The following ROBO1 variants were observed in gnomAD, a reference collection of about 807,000 sequenced individuals.
ROBO1 encodes the protein roundabout guidance receptor 1.
ROBO1 carries 149 observed loss-of-function variants against 195.9 expected under a neutral mutation model. The observed-to-expected ratio is 0.76, with a 90% CI of 0.67 to 0.87. The LOEUF is 0.87. ROBO1 is among the 40% of genes least tolerant of loss of function. ROBO1 has a pLI of 0.00. For synonymous variants in ROBO1, 816 were observed against 733.2 expected (o/e 1.11, Z -1.82); for missense variants, 1,933 against 2,068.3 (o/e 0.93, Z 1.27).
At chr3:78,649,687 G>A (rs965922982) in intron 19 of ROBO1, among the ~76,000 whole-genome samples, 1 of 152,120 alleles carries the variant, frequency 6.6e-6, no homozygotes, top group African/African-American at 2.4e-5. Flanking sequence ...TTATGAAAAT[G>A]TGCCAACAGG....
At chr3:78,660,883 A>G in intron 16 of ROBO1, 147 bp downstream of exon 16, 1 of 648,158 alleles carries the variant, frequency 1.5e-6, no homozygotes, top group Non-Finnish European at 2.5e-6. Flanking sequence ...TTCTAAATAA[A>G]CAAATACTGT....
At chr3:79,679,385 G>T (rs573778283) in intron 1 of ROBO1, among the ~76,000 whole-genome samples, 81 of 151,872 alleles carry the variant, frequency 5.3e-4, no homozygotes, top group African/African-American at 1.9e-3. Flanking sequence ...TGACATTTAG[G>T]TTATTTCAAG....
Position 78,661,150 on chromosome 3 carries a change from T to G in ROBO1, c.2200A>C (p.Asn734His), listed in dbSNP as rs781160816. The G allele has an allele frequency of 1.5e-5, 25 of 1,613,808 alleles. No homozygotes were observed. The South Asian group carries it at 2.6e-4, about 17-fold the overall frequency. ...LVFEVRTPAK[N>H]SVVIPDLRKG... ...CTGAGATCAGGGATTACCACACTGTTTTTGGCTGGCGTCCTCACTTCAAAA... is the reference window on the plus strand; with the variant it reads ...CTGAGATCAGGGATTACCACACTGTGTTTGGCTGGCGTCCTCACTTCAAAA... The change falls in exon 16 of 31, where the codon AAC becomes CAC. Residue 734 changes from asparagine (N) to histidine (H), a missense_variant. Physicochemically the swap from Asn to His is moderately conservative, Grantham distance 68. Transcript: ENST00000464233.
chr3:79,291,367 T>C (rs1462143907), intron 2 of ROBO1, among the ~76,000 whole-genome samples: 1 of 152,184 alleles, frequency 6.6e-6, no homozygotes, highest in Non-Finnish European at 1.5e-5. Context: ...AACCTTTTAG[T>C]ATTTTCCAGC....
intron 2 of ROBO1, among the ~76,000 whole-genome samples, chr3:79,558,453 G>T (rs559784761): frequency 1.3e-5 from 2 of 152,240 alleles, no homozygotes; most frequent in African/African-American, 4.8e-5. Flanking sequence ...TATGAATCGA[G>T]TGTTTATGTT....
At chr3:79,177,311 C>T (rs2081275002) in intron 2 of ROBO1, among the ~76,000 whole-genome samples, 1 of 152,206 alleles carries the variant, frequency 6.6e-6, no homozygotes, top group South Asian at 2.1e-4. Flanking sequence ...TTATTAGTTG[C>T]TACCATTTTG....
intron 2 of ROBO1, among the ~76,000 whole-genome samples, chr3:79,343,045 C>T (rs1202410204): frequency 6.6e-6 from 1 of 152,142 alleles, no homozygotes; most frequent in Non-Finnish European, 1.5e-5. Context: ...TTGTTCTCTT[C>T]ACTGTTTTTG....
chr3:79,681,640 T>C (rs1946952435), intron 1 of ROBO1, among the ~76,000 whole-genome samples: 1 of 151,844 alleles, frequency 6.6e-6, no homozygotes, highest in African/African-American at 2.4e-5. Flanking sequence ...AGAGGGAAGG[T>C]TTGGGGAACA....
chr3:79,136,102 A>T (rs1391034060), intron 2 of ROBO1, among the ~76,000 whole-genome samples: 1 of 152,230 alleles, frequency 6.6e-6, no homozygotes, highest in Non-Finnish European at 1.5e-5. Flanking sequence ...TGTAGTACAA[A>T]GACTCATATT....
chr3:79,484,755 C>CTTTTTTTGTTTTTTTTTTTTTTTT (rs1939063008), intron 2 of ROBO1, among the ~76,000 whole-genome samples: 1 of 66,884 alleles, frequency 1.5e-5, no homozygotes, highest in Non-Finnish European at 2.7e-5. Flanking sequence ...ATTGCACTAT[C>CTTTTTTTGTTTTTTTTTTTTTTTT]TTTTTTTTTT....
chr3:79,070,000 C>T (rs2079060584), intron 3 of ROBO1, among the ~76,000 whole-genome samples: 1 of 151,518 alleles, frequency 6.6e-6, no homozygotes, highest in Admixed American at 6.6e-5. Context: ...TTTCCCTCAA[C>T]TGGTCTTGAA....
At chr3:79,576,341 A>T (rs1398515944) in intron 2 of ROBO1, among the ~76,000 whole-genome samples, 3 of 151,994 alleles carry the variant, frequency 2.0e-5, no homozygotes, top group Non-Finnish European at 4.4e-5. Context: ...AAATCAGCAG[A>T]TAATCTTTCA....
chr3:78,974,638 A>G (rs921681443), intron 3 of ROBO1, among the ~76,000 whole-genome samples: 2 of 152,310 alleles, frequency 1.3e-5, no homozygotes, highest in Middle Eastern at 3.4e-3. Context: ...TTTCATAGAA[A>G]TGGTTCTCAG....
chr3:78,816,488 A>C (rs955689376), intron 4 of ROBO1, among the ~76,000 whole-genome samples: 5 of 152,166 alleles, frequency 3.3e-5, no homozygotes, highest in African/African-American at 1.2e-4. Context: ...TTATTTAAGA[A>C]ATACATTAAT....
At chr3:79,761,353 A>G (rs2107522565) in intron 1 of ROBO1, among the ~76,000 whole-genome samples, 1 of 152,002 alleles carries the variant, frequency 6.6e-6, no homozygotes, top group East Asian at 1.9e-4. Flanking sequence ...TGTAATATAT[A>G]CAGTAAACTC....
chr3:78,829,963 T>C (rs1406858725), intron 4 of ROBO1, among the ~76,000 whole-genome samples: 6 of 152,174 alleles, frequency 3.9e-5, no homozygotes, highest in African/African-American at 1.2e-4. Context: ...CACAAACTTA[T>C]GGGTGAATTT....
intron 4 of ROBO1, among the ~76,000 whole-genome samples, chr3:78,898,636 A>G (rs186648): frequency 0.45 from 68,291 of 151,272 alleles, 17,748 homozygotes; most frequent in African/African-American, 0.73. Flanking sequence ...TGATCTGCCC[A>G]CCTCGGCCTC....
At chr3:79,225,815 A>G (rs941186896) in intron 2 of ROBO1, among the ~76,000 whole-genome samples, 3 of 152,090 alleles carry the variant, frequency 2.0e-5, no homozygotes, top group Non-Finnish European at 4.4e-5. Context: ...GCTACCCTTT[A>G]TCTTAAAATA....
intron 14 of ROBO1, among the ~76,000 whole-genome samples, chr3:78,665,138 C>T (rs1707658876): frequency 6.6e-6 from 1 of 152,148 alleles, no homozygotes; most frequent in Non-Finnish European, 1.5e-5. Context: ...TCGACTATCC[C>T]TACTGTCCTC....
Sources: gnomAD v4.1 joint callset for allele counts (sites outside exome capture counted in the v4.1 genomes callset) on GRCh38, gnomAD v4.1.1 for gene constraint, MANE v1.5 for transcripts, NCBI Gene and HGNC (gene_info 2026-07-23, HGNC 2026-07-21) for gene names.